The following SEMA5A variants were observed in gnomAD, a reference collection of about 807,000 sequenced individuals.
SEMA5A encodes the protein semaphorin-5A.
In SEMA5A, 55 loss-of-function variants were observed where a neutral mutation model predicts 135.5. That is an observed-to-expected ratio of 0.41 (90% CI 0.33 to 0.51). The LOEUF (loss-of-function observed/expected upper bound fraction) is 0.51. SEMA5A is among the 20% of genes least tolerant of loss of function. The pLI is 0.37. For synonymous variants in SEMA5A, 580 were observed against 546.5 expected (o/e 1.06, Z -0.85); for missense variants, 1,290 against 1,419.9 (o/e 0.91, Z 1.47).
chr5:9,362,673 C>T (rs1202554632), intron 3 of SEMA5A, among the ~76,000 whole-genome samples: 2 of 152,040 alleles, frequency 1.3e-5, no homozygotes, highest in Non-Finnish European at 2.9e-5. Context: ...GATATGAAAA[C>T]CCGAGTGAAC....
Position 9,036,733 on chromosome 5 carries a change from T to C in SEMA5A, c.*6164A>G, listed in dbSNP as rs894068478. The C allele has an allele frequency of 2.6e-5, 4 of 152,638 alleles. No homozygotes were observed. The highest frequency in any genetic ancestry group is 5.9e-5 in the Non-Finnish European group (4 of 68,040). The allele number at this position is 152,638 out of a possible 1,614,324, so 9.5% of individuals were successfully genotyped here. On this transcript the variant is annotated 3_prime_UTR_variant, in exon 23 of 23. Transcript: ENST00000382496. Reference sequence around the variant, plus strand: ...TTCTATTCCTGAGTTCAAAGAGACATAGGAGAATAATTTTCTTTAAAGTAA... The same window carrying C: ...TTCTATTCCTGAGTTCAAAGAGACACAGGAGAATAATTTTCTTTAAAGTAA...
intron 1 of SEMA5A, among the ~76,000 whole-genome samples, chr5:9,453,862 C>T (rs771430734): frequency 5.9e-5 from 9 of 152,160 alleles, no homozygotes; most frequent in African/African-American, 9.7e-5. Context: ...TCTTCCCCAG[C>T]CTGACACAGG....
chr5:9,323,167 G>C (rs1418340712), intron 4 of SEMA5A, among the ~76,000 whole-genome samples: 2 of 152,222 alleles, frequency 1.3e-5, no homozygotes, highest in South Asian at 4.1e-4. Flanking sequence ...AAATGAAAGA[G>C]ATAAACTATA....
chr5:9,059,171 C>CT (rs4002250), intron 18 of SEMA5A, among the ~76,000 whole-genome samples: 4,281 of 145,462 alleles, frequency 0.029, 218 homozygotes, highest in African/African-American at 0.1. Context: ...ATTTTCTTTT[C>CT]TTTTTTTTTT....
chr5:9,143,063 A>T lies in SEMA5A; in HGVS notation c.1482-6442T>A, dbSNP rs190621717. On this transcript the variant is annotated intron_variant, in intron 12 of 22. Coordinates refer to ENST00000382496, the MANE Select transcript of SEMA5A (RefSeq NM_003966.3). ...ACAGATCCTTCAATTGGTAAATCCA[A>T]CTAGAACATACATTTTCATTGTTTT... Among the ~76,000 whole-genome samples, 4 of 152,348 alleles carry T rather than the reference A, an allele frequency of 2.6e-5. No individual in the cohort carries two copies. The East Asian group carries it at 7.7e-4, about 29-fold the overall frequency.
At chr5:9,383,121 C>T (rs891004520) in intron 2 of SEMA5A, among the ~76,000 whole-genome samples, 2 of 152,056 alleles carry the variant, frequency 1.3e-5, no homozygotes, top group African/African-American at 4.8e-5. Flanking sequence ...GCTCATTGTC[C>T]CTGGATTATA....
chr5:9,209,027 T>C (rs559162937), intron 8 of SEMA5A, among the ~76,000 whole-genome samples: 1 of 152,156 alleles, frequency 6.6e-6, no homozygotes, highest in African/African-American at 2.4e-5. Flanking sequence ...TATGACCCAT[T>C]GAAAATACAC....
At position 9,044,600 on chromosome 5, in the gene SEMA5A, C is replaced by A. The variant is rs1736146333; in HGVS notation, c.2894-16G>T. On this transcript the variant is annotated splice_polypyrimidine_tract_variant and intron_variant, in intron 21 of 22. Transcript: ENST00000382496. ...ATGTTGAACTCTAGGGAGACATGAG[C>A]AAAGTGATGCCACACTTGAAAAGAA... The A allele has an allele frequency of 2.5e-6, 4 of 1,604,928 alleles. No homozygotes were observed. The highest frequency in any genetic ancestry group is 4.5e-5 in the East Asian group (2 of 44,796).
chr5:9,525,392 C>A (rs1337408244), intron 1 of SEMA5A, among the ~76,000 whole-genome samples: 2 of 152,190 alleles, frequency 1.3e-5, no homozygotes, highest in Admixed American at 6.5e-5. Context: ...TAAAAGGAAT[C>A]CTTACTAGTG....
At chr5:9,119,686 C>A (rs1041786228) in intron 14 of SEMA5A, among the ~76,000 whole-genome samples, 6 of 152,064 alleles carry the variant, frequency 3.9e-5, no homozygotes, top group African/African-American at 1.2e-4. Flanking sequence ...GTTAGAATAA[C>A]TATCAAAGCT....
rs145781774 is a variant in SEMA5A, at chr5:9,284,523, C to T, written c.270+33849G>A. On this transcript the variant is annotated intron_variant, in intron 5 of 22. Transcript: ENST00000382496. ...ATAAGGAAAGATGGCAACATAATTA[C>T]TTCCATTCCTTTTCTATAATGGATT... Among the ~76,000 whole-genome samples, 7 of 152,320 alleles carry T rather than the reference C, an allele frequency of 4.6e-5. No individual in the cohort carries two copies. In the East Asian group the frequency reaches 9.7e-4, roughly 21 times the overall value.
chr5:9,500,611 T>C (rs1447796459), intron 1 of SEMA5A, among the ~76,000 whole-genome samples: 1 of 152,216 alleles, frequency 6.6e-6, no homozygotes, highest in Non-Finnish European at 1.5e-5. Flanking sequence ...GATAGGGCAC[T>C]GGATAAAATA....
chr5:9,451,053 C>T (rs1034847705), intron 1 of SEMA5A, among the ~76,000 whole-genome samples: 14 of 152,224 alleles, frequency 9.2e-5, no homozygotes, highest in African/African-American at 3.4e-4. Flanking sequence ...AGTCAGACTA[C>T]AGCAGTTCAA....
intron 2 of SEMA5A, among the ~76,000 whole-genome samples, chr5:9,406,778 AG>A (rs1269338257): frequency 2.6e-5 from 4 of 152,252 alleles, no homozygotes; most frequent in African/African-American, 7.2e-5. Flanking sequence ...TTACGTGAAG[AG>A]AATGTACGGA....
chr5:9,207,051 G>A (rs1427047869), intron 8 of SEMA5A, among the ~76,000 whole-genome samples: 41 of 135,156 alleles, frequency 3.0e-4, no homozygotes, highest in African/African-American at 1.1e-3. Flanking sequence ...ATGTCCCTTG[G>A]AATAATTTCT....
At chr5:9,288,974 G>C (rs938790729) in intron 5 of SEMA5A, among the ~76,000 whole-genome samples, 8 of 152,182 alleles carry the variant, frequency 5.3e-5, no homozygotes, top group Non-Finnish European at 1.0e-4. Context: ...TCTTTTGTCA[G>C]AAAGTGAATC....
chr5:9,271,716 C>A (rs1053362076), intron 5 of SEMA5A, among the ~76,000 whole-genome samples: 1 of 152,118 alleles, frequency 6.6e-6, no homozygotes, highest in Non-Finnish European at 1.5e-5. Context: ...TGGGTGCAAC[C>A]CAAGGAGGGC....
In SEMA5A at chr5:9,325,394, T is replaced by G. The variant is rs538512926; in HGVS notation, c.225-6977A>C. On this transcript the variant is annotated intron_variant, in intron 4 of 22. Transcript: ENST00000382496. ...TCACAAAGCTATTAAGTTTGGCAGA[T>G]GCAAAATCACAATATTGAAGCCCAT... Among the ~76,000 whole-genome samples the G allele has an allele frequency of 3.7e-4, 57 of 152,342 alleles. No homozygotes were observed. In the South Asian group the frequency reaches 0.011, roughly 30 times the overall value.
At chr5:9,214,177 C>G (rs1360623565) in intron 8 of SEMA5A, among the ~76,000 whole-genome samples, 1 of 152,214 alleles carries the variant, frequency 6.6e-6, no homozygotes, top group African/African-American at 2.4e-5. Context: ...CTGCACATTG[C>G]TCCTTAAAGG....
Sources: gnomAD v4.1 joint callset for allele counts (sites outside exome capture counted in the v4.1 genomes callset) on GRCh38, gnomAD v4.1.1 for gene constraint, MANE v1.5 for transcripts, NCBI Gene and HGNC (gene_info 2026-07-23, HGNC 2026-07-21) for gene names.